NDUFAF5: variants seen among roughly 807,000 people sequenced by gnomAD.
NDUFAF5 encodes arginine-hydroxylase NDUFAF5, mitochondrial.
NDUFAF5 carries 34 observed loss-of-function variants against 48.9 expected under a neutral mutation model. That is an observed-to-expected ratio of 0.70 (90% CI 0.53 to 0.93). NDUFAF5 has a LOEUF of 0.93. Among genes scored for constraint, NDUFAF5 ranks in the 40% least tolerant of loss-of-function variants. The probability of loss-of-function intolerance (pLI) is 0.00; values close to 1 mark genes in which losing one functional copy is unlikely to be tolerated. For missense variants in NDUFAF5, 428 were observed against 427.5 expected, an observed-to-expected ratio of 1.00 and a Z score of -0.01; for synonymous variants, 153 against 150.6, an observed-to-expected ratio of 1.02 and a Z score of -0.12.
chr20:13,789,503 T>C (rs1981895424), intron 3 of NDUFAF5, among the ~76,000 whole-genome samples: 3 of 141,568 alleles, frequency 2.1e-5, no homozygotes, highest in Non-Finnish European at 4.6e-5. Context: ...TGAGACAGAG[T>C]CTCGCTCTGT....
rs1986896928 is a variant in NDUFAF5, at chr20:13,820,324, A to AT, written c.*3120dup. On this transcript the variant is annotated 3_prime_UTR_variant, in exon 11 of 11. Transcript: ENST00000378106. ...AAGTACCTGTGAGGGAAGTTTATAT[A>AT]TTTTTTCAAACTCTTTTAGTACCAT... is the stretch of plus-strand genomic sequence containing the variant. The AT allele has an allele frequency of 6.6e-6, 1 of 152,196 alleles. No homozygotes were observed. The highest frequency in any genetic ancestry group is 2.1e-4 in the South Asian group (1 of 4,822). 9.4% of individuals were successfully genotyped at this position (152,196 alleles called of 1,614,324 possible).
In NDUFAF5 at chr20:13,818,505, A is replaced by G. The variant is rs1468278710; in HGVS notation, c.*1295A>G. On this transcript the variant is annotated 3_prime_UTR_variant, in exon 11 of 11. Coordinates refer to ENST00000378106, the MANE Select transcript of NDUFAF5 (RefSeq NM_024120.5). ...GAGAGAGAACAACAACAAAAAACAA[A>G]CTGCGCTAGCCAGGTGCAATGGCGC... 5.9e-6 allele frequency: 2 copies of G among 340,602 alleles called. No individual in the cohort carries two copies. The highest frequency in any genetic ancestry group is 8.6e-5 in the Admixed American group (2 of 23,170). The allele number at this position is 340,602 out of a possible 1,614,324, so 21.1% of individuals were successfully genotyped here.
At chr20:13,789,622 C>T (rs569678730) in intron 3 of NDUFAF5, among the ~76,000 whole-genome samples, 83 of 152,042 alleles carry the variant, frequency 5.5e-4, no homozygotes, top group Non-Finnish European at 7.9e-4. Context: ...TCTACAGGTG[C>T]CCGCCACCAC....
chr20:13,817,067 G>C, intron 10 of NDUFAF5, 51 bp from the exon 11 acceptor site: 1 of 1,571,930 alleles, frequency 6.4e-7, no homozygotes, highest in Non-Finnish European at 8.8e-7. Flanking sequence ...TTTAATTGGG[G>C]CTGTGTATTA....
chr20:13,802,519 A>C (rs1984327617), intron 7 of NDUFAF5, among the ~76,000 whole-genome samples: 1 of 151,932 alleles, frequency 6.6e-6, no homozygotes, highest in African/African-American at 2.4e-5. Flanking sequence ...AAATACAAAA[A>C]ATCAGCGAAT....
rs1169642695 is a variant in NDUFAF5 at position 13,818,668 on chromosome 20, T to C, written c.*1458T>C. ...AGAAAAATCCACCAAAAACCCTGTG[T>C]TTTAAAGTGCAAACTGATGATGGAG... On this transcript the variant is annotated 3_prime_UTR_variant, in exon 11 of 11. Transcript: ENST00000378106. 2 of 174,230 alleles carry C rather than the reference T, an allele frequency of 1.1e-5. No homozygotes were observed. The highest frequency in any genetic ancestry group is 4.8e-5 in the African/African-American group (2 of 41,560). 10.8% of individuals were successfully genotyped at this position (174,230 alleles called of 1,614,324 possible). A position where few individuals can be genotyped will look rare whatever the true frequency, so the allele number is the denominator to read the frequency against.
In NDUFAF5 at chr20:13,819,746, A is replaced by C. The variant is rs1303214885; in HGVS notation, c.*2536A>C. 3 of 152,226 alleles carry C rather than the reference A, an allele frequency of 2.0e-5. No individual in the cohort carries two copies. In the East Asian group the frequency reaches 5.8e-4, roughly 29 times the overall value. 9.4% of individuals were successfully genotyped at this position (152,226 alleles called of 1,614,324 possible). On this transcript the variant is annotated 3_prime_UTR_variant, in exon 11 of 11. Transcript: ENST00000378106. ...ATTGCTTCTTCCCAGACTGGTCCCAAGAATGCTGTGGTTGGTTTTGTGTCT... is the reference window on the plus strand; with the variant it reads ...ATTGCTTCTTCCCAGACTGGTCCCACGAATGCTGTGGTTGGTTTTGTGTCT...
chr20:13,814,836 G>A (rs980733146), intron 8 of NDUFAF5, among the ~76,000 whole-genome samples: 6 of 152,300 alleles, frequency 3.9e-5, no homozygotes, highest in South Asian at 2.1e-4. Context: ...AGTTAAAACT[G>A]GGAGTGTGAT....
At chr20:13,785,345 C>G in intron 1 of NDUFAF5, 55 bp downstream of exon 1, 3 of 1,357,122 alleles carry the variant, frequency 2.2e-6, no homozygotes, top group Non-Finnish European at 3.1e-6. Context: ...GCTTGTTTTC[C>G]TCTCCGCTAG....
chr20:13,804,132 T>C (rs1183249592), intron 7 of NDUFAF5, among the ~76,000 whole-genome samples: 1 of 152,208 alleles, frequency 6.6e-6, no homozygotes, highest in Non-Finnish European at 1.5e-5. Context: ...TGACATTGCT[T>C]CACATTTTTG....
chr20:13,814,093 C>A, intron 8 of NDUFAF5: 1 of 218,616 alleles, frequency 4.6e-6, no homozygotes. Context: ...TGAGGAAACC[C>A]AGGCAGAAGT....
intron 3 of NDUFAF5, among the ~76,000 whole-genome samples, chr20:13,789,331 A>C (rs1265128549): frequency 6.6e-6 from 1 of 151,774 alleles, no homozygotes; most frequent in Non-Finnish European, 1.5e-5. Flanking sequence ...TGCCCTGCTA[A>C]TTTTTGTATT....
chr20:13,785,316 C>CGGGGCGGCGGGGCGGT lies in NDUFAF5; in HGVS notation c.222+33_222+34insCGGGGCGGTGGGGCGG, dbSNP rs1262151370. 9.0e-5 allele frequency: 126 copies of CGGGGCGGCGGGGCGGT among 1,395,522 alleles called. 1 individual carries two copies. The highest frequency in any genetic ancestry group is 1.1e-4 in the Non-Finnish European group (111 of 997,524). 86.4% of individuals were successfully genotyped at this position (1,395,522 alleles called of 1,614,324 possible). A position where few individuals can be genotyped will look rare whatever the true frequency, so the allele number is the denominator to read the frequency against. ...GTGAGCCCGCGGGGCGGCGGGGCGG[C>CGGGGCGGCGGGGCGGT]GGGGCGGGCGACGCGGAGGCTTGTT... is the stretch of plus-strand genomic sequence containing the variant. On this transcript the variant is annotated intron_variant, in intron 1 of 10. Coordinates refer to ENST00000378106, the MANE Select transcript of NDUFAF5 (RefSeq NM_024120.5).
At position 13,818,418 on chromosome 20, in the gene NDUFAF5, A is replaced by G. The variant is rs1442312392; in HGVS notation, c.*1208A>G. 1 of 331,188 alleles carries G rather than the reference A, an allele frequency of 3.0e-6. No homozygotes were observed. Among genetic ancestry groups the G allele is most frequent in the Non-Finnish European group, 5.9e-6 (1 of 170,186 alleles). 20.5% of individuals were successfully genotyped at this position (331,188 alleles called of 1,614,324 possible). The stretch of plus-strand genomic sequence containing the variant: ...TTAACACAAAGTAAACCTGTGAAGT[A>G]GAATTTGGCGTTTTGTTTTTTGGGG... On this transcript the variant is annotated 3_prime_UTR_variant, in exon 11 of 11. Coordinates refer to ENST00000378106, the MANE Select transcript of NDUFAF5 (RefSeq NM_024120.5).
At chr20:13,799,271 T>G (rs1416475065) in intron 6 of NDUFAF5, among the ~76,000 whole-genome samples, 1 of 152,144 alleles carries the variant, frequency 6.6e-6, no homozygotes, top group Non-Finnish European at 1.5e-5. Flanking sequence ...GAAAATGACA[T>G]CATTATAAAG....
rs71188187 is a variant in NDUFAF5 at position 13,787,065 on chromosome 20, ATG to A, written c.223-229_223-228del. ...TGGAATGTAAAGGCCACATATATAT[ATG>A]TGTGTGTGTGTGTGTGTATATGTAT... On this transcript the variant is annotated intron_variant, in intron 1 of 10. Transcript: ENST00000378106. The A allele has an allele frequency of 0.015, 7,530 of 488,734 alleles. 41 individuals are homozygous for A. Among genetic ancestry groups the A allele is most frequent in the Non-Finnish European group, 0.02 (5,310 of 267,960 alleles). 30.3% of individuals were successfully genotyped at this position (488,734 alleles called of 1,614,324 possible). A position where few individuals can be genotyped will look rare whatever the true frequency, so the allele number is the denominator to read the frequency against.
rs890690854 is a variant in NDUFAF5, at chr20:13,795,005, CTA to C, written c.479+66_479+67del. The C allele has an allele frequency of 4.6e-5, 55 of 1,194,986 alleles. No individual in the cohort carries two copies. The African/African-American group carries it at 7.8e-4, about 17-fold the overall frequency. The allele number at this position is 1,194,986 out of a possible 1,614,324, so 74.0% of individuals were successfully genotyped here. A position where few individuals can be genotyped will look rare whatever the true frequency, so the allele number is the denominator to read the frequency against. ...AGATCATTCTTGCCATAAAGTTTTG[CTA>C]TGAGGCCAGGAGCGGTGGCTCACGC... On this transcript the variant is annotated intron_variant, in intron 5 of 10. Coordinates refer to ENST00000378106, the MANE Select transcript of NDUFAF5 (RefSeq NM_024120.5).
chr20:13,801,612 A>G lies in NDUFAF5; in HGVS notation c.646A>G (p.Ile216Val), dbSNP rs1433339359. The change falls in exon 7 of 11, where the codon ATT becomes GTT. Residue 216 changes from isoleucine (I) to valine (V), a missense_variant. By Grantham distance (29) the Ile-to-Val change is conservative. Transcript: ENST00000378106. ...TEREGGFSPH[I>V]SPFTAVNDLG... ...AAGGGAAGGAGGATTTTCTCCACAC[A>G]TTTCTCCTTTCACTGCTGTCAATGA... 6.2e-6 allele frequency: 10 copies of G among 1,614,006 alleles called. No individual in the cohort carries two copies. Among genetic ancestry groups the G allele is most frequent in the African/African-American group, 1.3e-5 (1 of 74,984 alleles).
intron 8 of NDUFAF5, among the ~76,000 whole-genome samples, chr20:13,811,694 C>T (rs1428220936): frequency 6.6e-6 from 1 of 152,114 alleles, no homozygotes; most frequent in Admixed American, 6.5e-5. Context: ...GTTAGATATG[C>T]AAAATATATG....
Sources: gnomAD v4.1 joint callset for allele counts (sites outside exome capture counted in the v4.1 genomes callset) on GRCh38, gnomAD v4.1.1 for gene constraint, MANE v1.5 for transcripts, NCBI Gene and HGNC (gene_info 2026-07-23, HGNC 2026-07-21) for gene names.